CACNA2D2: variants seen among roughly 807,000 people sequenced by gnomAD.
CACNA2D2 encodes voltage-dependent calcium channel subunit alpha-2/delta-2.
In CACNA2D2, 48 loss-of-function variants were observed where a neutral mutation model predicts 166.4. The ratio of observed to expected loss-of-function variants is 0.29; its 90% CI spans 0.23 to 0.37. The LOEUF (loss-of-function observed/expected upper bound fraction) is 0.37. CACNA2D2 is among the 10% of genes least tolerant of loss of function. CACNA2D2 has a pLI of 1.00. For synonymous variants in CACNA2D2, 561 were observed against 573.7 expected, an observed-to-expected ratio of 0.98 and a Z score of 0.32; for missense variants, 1,122 against 1,433.0, an observed-to-expected ratio of 0.78 and a Z score of 3.50.
In CACNA2D2 at chr3:50,365,522, C is replaced by G; in HGVS notation, c.2972-40G>C. ...AGCGCCTCAGCTCCGCCCACAGACC[C>G]TGGCAAGGTCTCCGGCCTCCCTCAG... is the stretch of plus-strand genomic sequence containing the variant. On this transcript the variant is annotated intron_variant, in intron 34 of 37. Transcript: ENST00000424201. The surrounding 1 kb of genome is among the most constrained non-coding windows in gnomAD (Gnocchi z 4.5). 6.2e-7 allele frequency: 1 copy of G among 1,606,282 alleles called. No homozygotes were observed. Among genetic ancestry groups the G allele is most frequent in the Non-Finnish European group, 8.5e-7 (1 of 1,176,440 alleles).
chr3:50,372,985 G>C, intron 22 of CACNA2D2: 1 of 1,189,238 alleles, frequency 8.4e-7, no homozygotes, highest in Non-Finnish European at 1.2e-6. Flanking sequence ...GGCTGGTCCT[G>C]GGCAGGGAGG....
At chr3:50,374,865 C>A in intron 21 of CACNA2D2, 52 bp from the exon 22 acceptor site, 1 of 1,415,280 alleles carries the variant, frequency 7.1e-7, no homozygotes, top group Non-Finnish European at 9.8e-7. Context: ...GCCACACTGG[C>A]ACCCCCTCCC....
intron 3 of CACNA2D2, among the ~76,000 whole-genome samples, chr3:50,413,802 G>T (rs1046362692): frequency 1.3e-5 from 2 of 152,094 alleles, no homozygotes; most frequent in Middle Eastern, 3.2e-3. Context: ...AGCCGAGACC[G>T]TGCCACTGCA....
chr3:50,495,537 G>A (rs987972841), intron 1 of CACNA2D2, among the ~76,000 whole-genome samples: 2 of 152,214 alleles, frequency 1.3e-5, no homozygotes, highest in African/African-American at 4.8e-5. Context: ...ATCCTTGAAG[G>A]AAGTGTCTTC....
chr3:50,496,446 A>G (rs1698729140), intron 1 of CACNA2D2, among the ~76,000 whole-genome samples: 1 of 152,266 alleles, frequency 6.6e-6, no homozygotes, highest in Non-Finnish European at 1.5e-5. Context: ...ATACAAGCTG[A>G]CATGTGCACA....
rs1027389217 is a variant in CACNA2D2 at position 50,364,498 on chromosome 3, T to C, written c.*168A>G. On this transcript the variant is annotated 3_prime_UTR_variant, in exon 38 of 38. Transcript: ENST00000424201. ...GTGCCAAACACCTGCGGCGTCCCGC[T>C]TTGGGACTCCCCATCCCAAGGCGCA... 3.8e-6 allele frequency: 3 copies of C among 789,308 alleles called. No homozygotes were observed. Among genetic ancestry groups the C allele is most frequent in the Admixed American group, 3.1e-5 (1 of 32,772 alleles). The allele number at this position is 789,308 out of a possible 1,614,324, so 48.9% of individuals were successfully genotyped here.
At chr3:50,405,604 G>A (rs1706670392) in intron 3 of CACNA2D2, among the ~76,000 whole-genome samples, 1 of 152,188 alleles carries the variant, frequency 6.6e-6, no homozygotes, top group African/African-American at 2.4e-5. Context: ...TCTGCTCAGT[G>A]GGCTGAAATA....
At chr3:50,372,945 C>T in intron 22 of CACNA2D2, 2 of 697,224 alleles carry the variant, frequency 2.9e-6, no homozygotes, top group Admixed American at 2.6e-5. Flanking sequence ...CAAGGGGAAG[C>T]TGGGAGGGGG....
intron 1 of CACNA2D2, among the ~76,000 whole-genome samples, chr3:50,500,396 C>T (rs1698910367): frequency 5.3e-5 from 8 of 152,144 alleles, no homozygotes; most frequent in Admixed American, 5.2e-4. Flanking sequence ...ACAGAGAAAC[C>T]TGGGGGCACT....
chr3:50,364,960 C>T lies in CACNA2D2; in HGVS notation c.3219G>A (p.Pro1073=). The change falls in exon 37 of 38, where the codon CCG becomes CCA. Residue 1073 remains proline (P), a synonymous_variant. Coordinates refer to ENST00000424201, the MANE Select transcript of CACNA2D2 (RefSeq NM_006030.4). ...GTCTCTGCACTAGCTCACACTGCTC[C>T]GGGCCGTCCGCTGGGCATGGGTGGG... ...LLQKETHSDG[P]EQCELVQRPR... The T allele has an allele frequency of 1.2e-6, 2 of 1,611,490 alleles. No individual in the cohort carries two copies. Among genetic ancestry groups the T allele is most frequent in the Non-Finnish European group, 1.7e-6 (2 of 1,179,186 alleles).
intron 1 of CACNA2D2, among the ~76,000 whole-genome samples, chr3:50,477,739 G>A (rs1388082269): frequency 6.6e-6 from 1 of 152,214 alleles, no homozygotes; most frequent in Admixed American, 6.5e-5. Flanking sequence ...GTAGGGGCAG[G>A]GTGATGCCAG....
intron 2 of CACNA2D2, among the ~76,000 whole-genome samples, chr3:50,469,414 A>G (rs1478679496): frequency 2.0e-5 from 3 of 152,026 alleles, no homozygotes; most frequent in African/African-American, 4.8e-5. Flanking sequence ...TGATCAACAG[A>G]GATGAAGGGA....
intron 2 of CACNA2D2, among the ~76,000 whole-genome samples, chr3:50,466,978 G>C (rs1709851941): frequency 6.6e-6 from 1 of 152,216 alleles, no homozygotes; most frequent in Non-Finnish European, 1.5e-5. Context: ...TGTGGGCTGG[G>C]TTTAAAAAGC....
rs1256054678 is a variant in CACNA2D2, at chr3:50,381,014, T to A, written c.765A>T (p.Gly255=). Reference sequence around the variant, plus strand: ...ACCTACCCGGGTAGTAGCGAGTGACTCCTGTGGCGCTGCCGAAGACCTGCC... The same window carrying A: ...ACCTACCCGGGTAGTAGCGAGTGACACCTGTGGCGCTGCCGAAGACCTGCC... The part of the protein sequence containing the change: ...LLWQVFGSAT[G]VTRYYPATPW... The change falls in exon 7 of 38, where the codon GGA becomes GGT. Residue 255 remains glycine, a synonymous_variant. Coordinates refer to ENST00000424201, the MANE Select transcript of CACNA2D2 (RefSeq NM_006030.4). The A allele has an allele frequency of 3.7e-6, 6 of 1,613,740 alleles. No individual in the cohort carries two copies. Among genetic ancestry groups the A allele is most frequent in the Non-Finnish European group, 5.1e-6 (6 of 1,179,798 alleles).
At chr3:50,428,545 G>C (rs1004836469) in intron 3 of CACNA2D2, among the ~76,000 whole-genome samples, 1 of 152,194 alleles carries the variant, frequency 6.6e-6, no homozygotes, top group Non-Finnish European at 1.5e-5. Context: ...GCTGTGTGCA[G>C]AAGGGTTTTT....
intron 2 of CACNA2D2, among the ~76,000 whole-genome samples, chr3:50,436,098 G>A (rs1708307176): frequency 6.6e-6 from 1 of 152,198 alleles, no homozygotes; most frequent in African/African-American, 2.4e-5. Context: ...AAACAGGAGA[G>A]GGAAGGTCAA....
At chr3:50,493,421 T>A (rs1474216975) in intron 1 of CACNA2D2, among the ~76,000 whole-genome samples, 1 of 152,134 alleles carries the variant, frequency 6.6e-6, no homozygotes, top group Non-Finnish European at 1.5e-5. Context: ...AGAGGAGACA[T>A]CTCTTCCATG....
At position 50,387,711 on chromosome 3, in the gene CACNA2D2, G is replaced by C. The variant is rs192470107; in HGVS notation, c.466-99C>G. 1.3e-3 allele frequency: 1,164 copies of C among 930,272 alleles called. 15 individuals are homozygous for C. The African/African-American group carries it at 0.016, about 13-fold the overall frequency. The allele number at this position is 930,272 out of a possible 1,614,324, so 57.6% of individuals were successfully genotyped here. On this transcript the variant is annotated intron_variant, in intron 4 of 37. Coordinates refer to ENST00000424201, the MANE Select transcript of CACNA2D2 (RefSeq NM_006030.4). ...CTGCATGGCACCCTTAGATTCCTCTGGGGCAGAGACTGTCCCTTTCCCCCA... is the reference window on the plus strand; with the variant it reads ...CTGCATGGCACCCTTAGATTCCTCTCGGGCAGAGACTGTCCCTTTCCCCCA...
intron 1 of CACNA2D2, among the ~76,000 whole-genome samples, chr3:50,494,444 T>C (rs1698645261): frequency 6.6e-6 from 1 of 152,036 alleles, no homozygotes; most frequent in South Asian, 2.1e-4. Flanking sequence ...GCCTCTACCA[T>C]CTCAGGAATA....
Sources: gnomAD v4.1 joint callset for allele counts (sites outside exome capture counted in the v4.1 genomes callset) on GRCh38, gnomAD v4.1.1 for gene constraint, Gnocchi (gnomAD v3.1) non-coding constraint, MANE v1.5 for transcripts, NCBI Gene and HGNC (gene_info 2026-07-23, HGNC 2026-07-21) for gene names.